Variants in SPATA16 observed in about 807,000 individuals in gnomAD.
The protein encoded by SPATA16 is spermatogenesis associated 16, also known as spermatogenesis-associated protein 16.
A neutral mutation model predicts 63.3 loss-of-function variants in SPATA16; 36 were observed. The ratio of observed to expected loss-of-function variants is 0.57; its 90% CI spans 0.44 to 0.75. The LOEUF is 0.75. SPATA16 is among the 30% of genes least tolerant of loss of function. The pLI, the probability that SPATA16 is intolerant of heterozygous loss-of-function variation, is 0.00. For missense variants in SPATA16, 646 were observed against 679.3 expected (o/e 0.95, Z 0.54); for synonymous variants, 203 against 216.7 (o/e 0.94, Z 0.56).
chr3:173,140,783 A>G (rs546744248), intron 1 of SPATA16, among the ~76,000 whole-genome samples: 2 of 152,174 alleles, frequency 1.3e-5, no homozygotes, highest in Admixed American at 1.3e-4. Flanking sequence ...AAAACAAAAA[A>G]TCTGTTATTG....
intron 10 of SPATA16, among the ~76,000 whole-genome samples, chr3:172,890,120 A>G (rs1249882056): frequency 1.3e-5 from 2 of 152,232 alleles, no homozygotes; most frequent in Admixed American, 1.3e-4. Flanking sequence ...AGATTCTAGC[A>G]TTTAGATGCT....
chr3:172,957,195 A>G (rs1270773421), intron 5 of SPATA16, among the ~76,000 whole-genome samples: 1 of 152,200 alleles, frequency 6.6e-6, no homozygotes, highest in Non-Finnish European at 1.5e-5. Context: ...CAATTTGTAT[A>G]TGGAGAGATT....
intron 4 of SPATA16, among the ~76,000 whole-genome samples, chr3:172,998,904 AAAGGAG>A (rs1734754293): frequency 6.6e-6 from 1 of 152,146 alleles, no homozygotes; most frequent in Non-Finnish European, 1.5e-5. Flanking sequence ...TCCACTTGAT[AAAGGAG>A]TATGATTCTT....
intron 6 of SPATA16, among the ~76,000 whole-genome samples, chr3:172,951,674 C>T (rs1733437530): frequency 6.6e-6 from 1 of 152,178 alleles, no homozygotes; most frequent in African/African-American, 2.4e-5. Context: ...CTGCTCATCA[C>T]CAGCACCTCT....
In SPATA16 at chr3:172,990,487, T is replaced by C. The variant is rs187542083; in HGVS notation, c.849-13435A>G. ...ACTATAATACATAAACTAGTACATT[T>C]ACTTGCTCCTTTGGAAATATTTCTC... On this transcript the variant is annotated intron_variant, in intron 4 of 10. Coordinates refer to ENST00000351008, the MANE Select transcript of SPATA16 (RefSeq NM_031955.6). Among the ~76,000 whole-genome samples the C allele has an allele frequency of 2.7e-4, 41 of 152,294 alleles. No individual in the cohort carries two copies. In the East Asian group the frequency reaches 7.1e-3, roughly 27 times the overall value.
chr3:172,999,387 C>T (rs560268668), intron 4 of SPATA16, among the ~76,000 whole-genome samples: 1 of 146,096 alleles, frequency 6.8e-6, no homozygotes, highest in Admixed American at 7.0e-5. Flanking sequence ...AGTGATATCC[C>T]CTATTTCATT....
In SPATA16 at chr3:173,117,513, T is replaced by C. The variant is rs747958507; in HGVS notation, c.219A>G (p.Gln73=). 2 of 1,614,078 alleles carry C rather than the reference T, an allele frequency of 1.2e-6. No individual in the cohort carries two copies. The highest frequency in any genetic ancestry group is 1.3e-5 in the African/African-American group (1 of 74,934). ...TKMTKGIKEK[Q]SNDLEKAAFK... Reference sequence around the variant, plus strand: ...AGGCTGCTTTCTCTAAATCATTGCTTTGTTTTTCTTTGATGCCCTTTGTCA... The same window carrying C: ...AGGCTGCTTTCTCTAAATCATTGCTCTGTTTTTCTTTGATGCCCTTTGTCA... Residue 73 remains glutamine, a synonymous_variant, in exon 2 of 11, where the codon CAA becomes CAG. Transcript: ENST00000351008.
intron 2 of SPATA16, among the ~76,000 whole-genome samples, chr3:173,050,394 A>G (rs1371286213): frequency 6.6e-6 from 1 of 152,032 alleles, no homozygotes; most frequent in Non-Finnish European, 1.5e-5. Flanking sequence ...ACCCTTTATC[A>G]GTTGGATGAA....
chr3:172,921,734 T>TC (rs1732619391), intron 8 of SPATA16, among the ~76,000 whole-genome samples: 1 of 152,210 alleles, frequency 6.6e-6, no homozygotes. Flanking sequence ...TCTTAATACT[T>TC]TACAAAGTGC....
At chr3:173,077,720 T>A (rs967313574) in intron 2 of SPATA16, among the ~76,000 whole-genome samples, 3 of 152,102 alleles carry the variant, frequency 2.0e-5, no homozygotes, top group Admixed American at 6.5e-5. Flanking sequence ...TATATCAGAG[T>A]CTCCTAAAGG....
At chr3:173,110,843 C>T (rs1237709772) in intron 2 of SPATA16, among the ~76,000 whole-genome samples, 1 of 152,196 alleles carries the variant, frequency 6.6e-6, no homozygotes, top group Non-Finnish European at 1.5e-5. Context: ...GGGGCAATGG[C>T]AGTCACTTGA....
chr3:172,918,968 A>G (rs575707923), intron 8 of SPATA16, among the ~76,000 whole-genome samples: 1 of 152,368 alleles, frequency 6.6e-6, no homozygotes, highest in African/African-American at 2.4e-5. Context: ...TCCATTTGGC[A>G]TAAGATACAG....
chr3:172,981,344 G>A (rs980628540), intron 4 of SPATA16, among the ~76,000 whole-genome samples: 16 of 152,136 alleles, frequency 1.1e-4, no homozygotes, highest in African/African-American at 3.6e-4. Context: ...TCACTCCTGT[G>A]CTTAAAACTG....
At chr3:172,962,244 A>T (rs1733805426) in intron 5 of SPATA16, among the ~76,000 whole-genome samples, 1 of 110,668 alleles carries the variant, frequency 9.0e-6, no homozygotes, top group Non-Finnish European at 1.7e-5. Context: ...ACAGAGCAAG[A>T]CTCTGTCTCA....
intron 5 of SPATA16, among the ~76,000 whole-genome samples, chr3:172,962,456 C>T (rs567189207): frequency 6.6e-6 from 1 of 151,934 alleles, no homozygotes; most frequent in East Asian, 1.9e-4. Flanking sequence ...TAGTAGCCTA[C>T]CCTAACATAC....
At chr3:173,109,865 A>G (rs1737707813) in intron 2 of SPATA16, among the ~76,000 whole-genome samples, 1 of 152,194 alleles carries the variant, frequency 6.6e-6, no homozygotes, top group African/African-American at 2.4e-5. Flanking sequence ...ATCTAGCATT[A>G]TGCCAGGTTA....
intron 1 of SPATA16, among the ~76,000 whole-genome samples, chr3:173,125,184 A>G (rs185137800): frequency 6.6e-6 from 1 of 152,184 alleles, no homozygotes; most frequent in East Asian, 1.9e-4. Flanking sequence ...ATAGAGCTTT[A>G]CAAGTTATCC....
intron 10 of SPATA16, among the ~76,000 whole-genome samples, chr3:172,892,628 G>A (rs147923630): frequency 0.027 from 4,149 of 152,040 alleles, 78 homozygotes; most frequent in Non-Finnish European, 0.04. Context: ...TTTTTTTTAT[G>A]TCAAGGAAAG....
At chr3:172,920,065 C>T (rs566792547) in intron 8 of SPATA16, among the ~76,000 whole-genome samples, 1 of 152,112 alleles carries the variant, frequency 6.6e-6, no homozygotes, top group Admixed American at 6.6e-5. Context: ...CATGTTTTGC[C>T]TCTGGCAAGG....
Sources: allele counts gnomAD v4.1 joint callset (sites outside exome capture counted in the v4.1 genomes callset), GRCh38; gene constraint gnomAD v4.1.1; transcripts MANE v1.5; gene names NCBI Gene and HGNC (gene_info 2026-07-23, HGNC 2026-07-21).